Variants in AGBL1 observed in about 807,000 individuals in gnomAD.
AGBL1 encodes the protein AGBL carboxypeptidase 1.
AGBL1 carries 130 observed loss-of-function variants against 118.9 expected under a neutral mutation model. The observed-to-expected ratio is 1.09, with a 90% confidence interval of 0.95 to 1.26. The LOEUF is 1.26. AGBL1 is among the 50% of genes most tolerant of loss of function. AGBL1 has a pLI of 0.00. For missense variants in AGBL1, 1,584 were observed against 1,298.1 expected, an observed-to-expected ratio of 1.22 and a Z score of -3.38; for synonymous variants, 555 against 478.9, an observed-to-expected ratio of 1.16 and a Z score of -2.08.
At chr15:86,763,692 G>A (rs2078058594) in intron 22 of AGBL1, among the ~76,000 whole-genome samples, 1 of 151,990 alleles carries the variant, frequency 6.6e-6, no homozygotes, top group Non-Finnish European at 1.5e-5. Flanking sequence ...GAATCAGAAG[G>A]ACTGTGTCCT....
chr15:86,228,172 G>A (rs1298153368), intron 6 of AGBL1, among the ~76,000 whole-genome samples: 1 of 152,160 alleles, frequency 6.6e-6, no homozygotes, highest in Non-Finnish European at 1.5e-5. Flanking sequence ...TTGCCTATAT[G>A]TCATGTATAG....
intron 18 of AGBL1, among the ~76,000 whole-genome samples, chr15:86,417,245 A>G (rs975958971): frequency 2.0e-5 from 3 of 152,172 alleles, no homozygotes; most frequent in African/African-American, 7.2e-5. Context: ...CAAAGCTTCT[A>G]TCCTTCATGC....
intron 21 of AGBL1, among the ~76,000 whole-genome samples, chr15:86,569,571 G>T (rs527899706): frequency 6.6e-6 from 1 of 151,986 alleles, no homozygotes; most frequent in African/African-American, 2.4e-5. Context: ...AAACTTCTTC[G>T]GATATGATCT....
At chr15:86,829,343 A>G (rs2079073898) in intron 22 of AGBL1, among the ~76,000 whole-genome samples, 1 of 152,198 alleles carries the variant, frequency 6.6e-6, no homozygotes, top group Non-Finnish European at 1.5e-5. Context: ...GCTCTGATAA[A>G]GAGAAGCCTC....
chr15:86,841,467 T>C (rs997535011), intron 22 of AGBL1, among the ~76,000 whole-genome samples: 2 of 152,216 alleles, frequency 1.3e-5, no homozygotes, highest in Non-Finnish European at 2.9e-5. Context: ...TGAATGTTTT[T>C]TAATTTATTT....
chr15:86,489,025 G>C (rs1252041088), intron 18 of AGBL1, among the ~76,000 whole-genome samples: 1 of 152,056 alleles, frequency 6.6e-6, no homozygotes, highest in Non-Finnish European at 1.5e-5. Flanking sequence ...CTGAGGTACT[G>C]ATCTTTAGCT....
At chr15:86,968,490 G>C (rs998661111) in intron 23 of AGBL1, among the ~76,000 whole-genome samples, 1 of 151,832 alleles carries the variant, frequency 6.6e-6, no homozygotes, top group Non-Finnish European at 1.5e-5. Flanking sequence ...TTATCGCATA[G>C]GGAAATAACA....
chr15:86,822,240 G>T (rs1190195246), intron 22 of AGBL1, among the ~76,000 whole-genome samples: 1 of 152,068 alleles, frequency 6.6e-6, no homozygotes, highest in Non-Finnish European at 1.5e-5. Flanking sequence ...TAGAGCAATG[G>T]GTTGTTCTTG....
downstream of AGBL1, among the ~76,000 whole-genome samples, chr15:86,919,559 C>T (rs2080463328): frequency 7.0e-6 from 1 of 142,120 alleles, no homozygotes; most frequent in African/African-American, 2.7e-5. Context: ...GCTTAGTTGC[C>T]CACTCCCTGT....
intron 23 of AGBL1, among the ~76,000 whole-genome samples, chr15:86,935,375 C>T (rs2080657414): frequency 6.6e-6 from 1 of 152,118 alleles, no homozygotes; most frequent in Non-Finnish European, 1.5e-5. Flanking sequence ...TGCTCTAAGG[C>T]ATTGGATTTG....
chr15:86,833,553 T>C (rs1217512090), intron 22 of AGBL1, among the ~76,000 whole-genome samples: 3 of 152,170 alleles, frequency 2.0e-5, no homozygotes, highest in African/African-American at 7.2e-5. Flanking sequence ...CCCAGCCATA[T>C]GGAACTGTAG....
intron 21 of AGBL1, among the ~76,000 whole-genome samples, chr15:86,604,848 T>G (rs1383240994): frequency 6.7e-6 from 1 of 149,192 alleles, no homozygotes; most frequent in Non-Finnish European, 1.5e-5. Context: ...CAGGTTAGAG[T>G]ACAATTATGT....
At chr15:86,251,945 T>C (rs1343275900) in intron 7 of AGBL1, among the ~76,000 whole-genome samples, 3 of 152,184 alleles carry the variant, frequency 2.0e-5, no homozygotes, top group Non-Finnish European at 4.4e-5. Context: ...AACCACTCTT[T>C]GGAGCTACAA....
intron 22 of AGBL1, among the ~76,000 whole-genome samples, chr15:86,747,303 AGATGG>A (rs1163223671): frequency 6.6e-6 from 1 of 152,126 alleles, no homozygotes; most frequent in Admixed American, 6.6e-5. Context: ...TCCATTGTCT[AGATGG>A]TTGCTGATGA....
intron 17 of AGBL1, among the ~76,000 whole-genome samples, chr15:86,359,863 T>G (rs906547534): frequency 1.3e-5 from 2 of 151,988 alleles, no homozygotes; most frequent in Non-Finnish European, 2.9e-5. Flanking sequence ...GATACTTTGT[T>G]TTTTTGTGTA....
chr15:86,953,986 C>T (rs2080905418), intron 23 of AGBL1, among the ~76,000 whole-genome samples: 1 of 152,124 alleles, frequency 6.6e-6, no homozygotes, highest in Non-Finnish European at 1.5e-5. Context: ...TGAAAAAATG[C>T]TCCTCATCAC....
intron 21 of AGBL1, among the ~76,000 whole-genome samples, chr15:86,652,073 T>A (rs1484004017): frequency 6.6e-6 from 1 of 152,184 alleles, no homozygotes; most frequent in Non-Finnish European, 1.5e-5. Context: ...ACTAACTTCA[T>A]CTATTCTTTC....
intron 23 of AGBL1, among the ~76,000 whole-genome samples, chr15:86,981,839 C>T (rs1299877889): frequency 6.6e-6 from 1 of 152,134 alleles, no homozygotes; most frequent in South Asian, 2.1e-4. Flanking sequence ...TTTGTAAAGA[C>T]ATCTGAGATG....
chr15:86,592,622 C>T (rs1485135522), intron 21 of AGBL1, among the ~76,000 whole-genome samples: 1 of 152,142 alleles, frequency 6.6e-6, no homozygotes, highest in African/African-American at 2.4e-5. Context: ...AAGCGTTTTT[C>T]CCTTACCAGT....
Sources: gnomAD v4.1 joint callset for allele counts (sites outside exome capture counted in the v4.1 genomes callset) on GRCh38, gnomAD v4.1.1 for gene constraint, MANE v1.5 for transcripts, NCBI Gene and HGNC (gene_info 2026-07-23, HGNC 2026-07-21) for gene names.